SHISA6: variants seen among roughly 807,000 people sequenced by gnomAD.
SHISA6 encodes shisa family member 6.
SHISA6 carries 22 observed loss-of-function variants against 47.9 expected under a neutral mutation model. That is an observed-to-expected ratio of 0.46 (90% confidence interval 0.33 to 0.66). The LOEUF (loss-of-function observed/expected upper bound fraction) is 0.66, where lower values mean the gene tolerates loss of function less well. Among genes scored for constraint, SHISA6 ranks in the 30% least tolerant of loss-of-function variants. The probability of loss-of-function intolerance (pLI) is 0.02; values close to 1 mark genes in which losing one functional copy is unlikely to be tolerated. For missense variants in SHISA6, 680 were observed against 764.6 expected, an observed-to-expected ratio of 0.89 and a Z score of 1.30; for synonymous variants, 388 against 337.8, an observed-to-expected ratio of 1.15 and a Z score of -1.63.
intron 3 of SHISA6, among the ~76,000 whole-genome samples, chr17:11,543,242 G>A (rs930774425): frequency 6.6e-6 from 1 of 152,100 alleles, no homozygotes; most frequent in African/African-American, 2.4e-5. Context: ...ATTGTTGAGT[G>A]TAATGTATGT....
intron 3 of SHISA6, among the ~76,000 whole-genome samples, chr17:11,529,065 C>T (rs886767109): frequency 1.3e-5 from 2 of 151,654 alleles, no homozygotes; most frequent in Non-Finnish European, 2.9e-5. Context: ...TGGTGGTGGG[C>T]GCCTGTAGTC....
intron 3 of SHISA6, among the ~76,000 whole-genome samples, chr17:11,467,580 C>T (rs970991939): frequency 3.3e-5 from 5 of 152,178 alleles, no homozygotes; most frequent in African/African-American, 1.2e-4. Flanking sequence ...ATCTAATGCA[C>T]TTAAGAGCCT....
chr17:11,500,827 T>C (rs1421873132), intron 3 of SHISA6, among the ~76,000 whole-genome samples: 3 of 152,188 alleles, frequency 2.0e-5, no homozygotes, highest in African/African-American at 7.2e-5. Flanking sequence ...AGATGGATTA[T>C]GGATTATACT....
At chr17:11,393,876 G>T (rs1198323480) in intron 3 of SHISA6, among the ~76,000 whole-genome samples, 2 of 151,960 alleles carry the variant, frequency 1.3e-5, no homozygotes, top group Admixed American at 6.6e-5. Context: ...CCCTTTTTAG[G>T]GCCTTTGCAC....
Position 11,557,764 on chromosome 17 carries a change from G to A in SHISA6, c.1116G>A (p.Glu372=), listed in dbSNP as rs1397340733. The A allele has an allele frequency of 3.9e-6, 6 of 1,543,778 alleles. No homozygotes were observed. In the African/African-American group the frequency reaches 5.5e-5, roughly 14 times the overall value. The change falls in exon 6 of 6, where the codon GAG becomes GAA. Residue 372 remains glutamate, a synonymous_variant. Coordinates refer to ENST00000441885, the MANE Select transcript of SHISA6 (RefSeq NM_207386.4). The part of the protein sequence containing the change: ...YSSLKRLTDK[E]ADEYYMRRRH... ...GTCTCTCCCCTGCAGCCGACAAGGA[G>A]GCTGACGAGTATTACATGAGACGGC...
At chr17:11,461,353 TGCCACTGCACTCCA>T (rs1915684021) in intron 3 of SHISA6, among the ~76,000 whole-genome samples, 1 of 138,244 alleles carries the variant, frequency 7.2e-6, no homozygotes, top group Non-Finnish European at 1.5e-5. Context: ...GCTGAGATCG[TGCCACTGCACTCCA>T]GCCTGGGCAA....
At chr17:11,268,851 G>A (rs1908530818) in intron 2 of SHISA6, among the ~76,000 whole-genome samples, 1 of 152,166 alleles carries the variant, frequency 6.6e-6, no homozygotes, top group African/African-American at 2.4e-5. Flanking sequence ...ATGGGCGTAG[G>A]ATCCAAGCAC....
chr17:11,362,160 ATCTCAGTCTCAC>A (rs1384298822), intron 2 of SHISA6, among the ~76,000 whole-genome samples: 1 of 151,980 alleles, frequency 6.6e-6, no homozygotes, highest in Non-Finnish European at 1.5e-5. Flanking sequence ...TAGAGACAGA[ATCTCAGTCTCAC>A]TCTGTCACCC....
intron 3 of SHISA6, among the ~76,000 whole-genome samples, chr17:11,468,379 G>A (rs910231479): frequency 7.2e-5 from 11 of 151,876 alleles, no homozygotes; most frequent in Non-Finnish European, 4.4e-5. Flanking sequence ...AAGCAAGCAG[G>A]GACGGAATCA....
chr17:11,501,465 A>T (rs1187347970), intron 3 of SHISA6, among the ~76,000 whole-genome samples: 1 of 152,178 alleles, frequency 6.6e-6, no homozygotes, highest in Non-Finnish European at 1.5e-5. Flanking sequence ...TATTTTCAAG[A>T]CAACAAAGAT....
At chr17:11,442,408 A>G (rs1356421234) in intron 3 of SHISA6, among the ~76,000 whole-genome samples, 1 of 151,970 alleles carries the variant, frequency 6.6e-6, no homozygotes, top group Non-Finnish European at 1.5e-5. Flanking sequence ...CTGTCACTCC[A>G]TCAGAGCCCT....
intron 2 of SHISA6, among the ~76,000 whole-genome samples, chr17:11,310,841 G>C (rs1441451692): frequency 6.6e-6 from 1 of 152,032 alleles, no homozygotes; most frequent in South Asian, 2.1e-4. Flanking sequence ...GGGCGCTGTG[G>C]CTCACGCCTG....
At chr17:11,337,579 A>G (rs555237692) in intron 2 of SHISA6, among the ~76,000 whole-genome samples, 1 of 152,348 alleles carries the variant, frequency 6.6e-6, no homozygotes, top group Non-Finnish European at 1.5e-5. Context: ...GGGCTTCTTC[A>G]TGTAAGCACA....
Position 11,434,275 on chromosome 17 carries a change from G to A in SHISA6, c.895+54766G>A, listed in dbSNP as rs114979355. On this transcript the variant is annotated intron_variant, in intron 3 of 5. Coordinates refer to ENST00000441885, the MANE Select transcript of SHISA6 (RefSeq NM_207386.4). ...GATGGGCTTTCACTATGTTGGCCGA[G>A]ACTGGTCTTGAACTCCTGATGTCAT... is the stretch of plus-strand genomic sequence containing the variant. 2.0e-3 allele frequency among the ~76,000 whole-genome samples: 311 copies of A among 152,144 alleles called. 3 individuals are homozygous for A. The highest frequency in any genetic ancestry group is 7.2e-3 in the African/African-American group (297 of 41,522).
intron 3 of SHISA6, among the ~76,000 whole-genome samples, chr17:11,511,655 A>G (rs1479845964): frequency 6.6e-6 from 1 of 152,190 alleles, no homozygotes; most frequent in Non-Finnish European, 1.5e-5. Context: ...TTTCAAAGCT[A>G]TAGAAAATGA....
Position 11,425,702 on chromosome 17 carries a change from G to A in SHISA6, c.895+46193G>A, listed in dbSNP as rs371021800. ...TCAAAAATACTATCAAGAACCTCAG[G>A]TAATTTTAAAAATATTTTGTACTGT... On this transcript the variant is annotated intron_variant, in intron 3 of 5. Transcript: ENST00000441885. Among the ~76,000 whole-genome samples, 7 of 152,178 alleles carry A rather than the reference G, an allele frequency of 4.6e-5. 1 individual carries two copies. The highest frequency in any genetic ancestry group is 3.9e-4 in the East Asian group (2 of 5,174).
chr17:11,353,311 G>C lies in SHISA6; in HGVS notation c.800-26103G>C, dbSNP rs527682794. 2.0e-5 allele frequency among the ~76,000 whole-genome samples: 3 copies of C among 152,180 alleles called. No individual in the cohort carries two copies. In the South Asian group the frequency reaches 6.2e-4, roughly 32 times the overall value. Reference sequence around the variant, plus strand: ...GTCTCTACTAAAAATTCAAAAATTAGCTGGGTGTGGTGGTGCGCACATGTA... The same window carrying C: ...GTCTCTACTAAAAATTCAAAAATTACCTGGGTGTGGTGGTGCGCACATGTA... On this transcript the variant is annotated intron_variant, in intron 2 of 5. Coordinates refer to ENST00000441885, the MANE Select transcript of SHISA6 (RefSeq NM_207386.4).
chr17:11,466,633 C>A (rs967855858), intron 3 of SHISA6, among the ~76,000 whole-genome samples: 54 of 152,146 alleles, frequency 3.5e-4, no homozygotes, highest in Non-Finnish European at 4.4e-5. Flanking sequence ...ATCTCTAGAC[C>A]CCCATTCCAG....
chr17:11,274,890 G>A (rs1437029129), intron 2 of SHISA6, among the ~76,000 whole-genome samples: 1 of 152,162 alleles, frequency 6.6e-6, no homozygotes, highest in Admixed American at 6.5e-5. Context: ...AGTGCTTGAA[G>A]GGCAGGTAAG....
Sources: allele counts gnomAD v4.1 joint callset (sites outside exome capture counted in the v4.1 genomes callset), GRCh38; gene constraint gnomAD v4.1.1; transcripts MANE v1.5; gene names NCBI Gene and HGNC (gene_info 2026-07-23, HGNC 2026-07-21).